CBFA2T2: variants seen among roughly 807,000 people sequenced by gnomAD.
The protein encoded by CBFA2T2 is protein CBFA2T2.
Under a neutral mutation model 62.2 loss-of-function variants are expected in CBFA2T2, and 11 were observed. That is an observed-to-expected ratio of 0.18 (90% confidence interval 0.11 to 0.29). CBFA2T2 has a LOEUF of 0.29. Among genes scored for constraint, CBFA2T2 ranks in the 10% least tolerant of loss-of-function variants. The pLI is 1.00. For missense variants in CBFA2T2, 592 were observed against 774.1 expected, an observed-to-expected ratio of 0.76 and a Z score of 2.79; for synonymous variants, 295 against 287.5, an observed-to-expected ratio of 1.03 and a Z score of -0.27.
At chr20:33,537,352 CA>C (rs1471337608) in intron 1 of CBFA2T2, among the ~76,000 whole-genome samples, 3 of 152,242 alleles carry the variant, frequency 2.0e-5, no homozygotes, top group Non-Finnish European at 2.9e-5. Context: ...TCAGGCGTGG[CA>C]GCGCGCGCCT....
At chr20:33,622,414 A>G (rs1441309027) in intron 4 of CBFA2T2, among the ~76,000 whole-genome samples, 1 of 152,232 alleles carries the variant, frequency 6.6e-6, no homozygotes, top group African/African-American at 2.4e-5. Flanking sequence ...TGAGAAAAAT[A>G]TAATTTCTAC....
intron 1 of CBFA2T2, among the ~76,000 whole-genome samples, chr20:33,570,729 T>C (rs1428276661): frequency 6.6e-6 from 1 of 152,214 alleles, no homozygotes; most frequent in Non-Finnish European, 1.5e-5. Flanking sequence ...TTGTACATAC[T>C]GAGAAACAAA....
intron 1 of CBFA2T2, among the ~76,000 whole-genome samples, chr20:33,587,132 C>T (rs960947179): frequency 2.0e-5 from 3 of 151,630 alleles, no homozygotes; most frequent in Non-Finnish European, 2.9e-5. Flanking sequence ...TTTTTAGAGA[C>T]GAGGTCTCCC....
At chr20:33,644,190 T>C (rs563836475) in intron 10 of CBFA2T2, among the ~76,000 whole-genome samples, 157 bp from the exon 11 acceptor site, 1 of 152,298 alleles carries the variant, frequency 6.6e-6, no homozygotes, top group Admixed American at 6.5e-5. Context: ...GTATTTCTCA[T>C]AGTTAAACAG....
At chr20:33,571,600 A>G (rs1345280965) in intron 1 of CBFA2T2, among the ~76,000 whole-genome samples, 1 of 152,166 alleles carries the variant, frequency 6.6e-6, no homozygotes, top group Admixed American at 6.5e-5. Flanking sequence ...AGTTACCATT[A>G]TTTTTAAAGC....
intron 3 of CBFA2T2, among the ~76,000 whole-genome samples, chr20:33,616,023 C>T (rs1304606725): frequency 1.3e-5 from 2 of 151,800 alleles, no homozygotes; most frequent in African/African-American, 4.8e-5. Flanking sequence ...CTGCCATGAG[C>T]CATGATCACA....
At chr20:33,633,807 C>A (rs999836976) in intron 8 of CBFA2T2, among the ~76,000 whole-genome samples, 7 of 152,118 alleles carry the variant, frequency 4.6e-5, no homozygotes, top group African/African-American at 7.2e-5. Context: ...TATGGCTTGC[C>A]ATGACTTACC....
At chr20:33,580,536 G>A (rs968125925) in intron 1 of CBFA2T2, among the ~76,000 whole-genome samples, 1 of 152,092 alleles carries the variant, frequency 6.6e-6, no homozygotes, top group Non-Finnish European at 1.5e-5. Context: ...TCTTCATTAC[G>A]CAGCAGCTGA....
rs1465784795 is a variant in CBFA2T2, at chr20:33,504,140, T to C, written c.34+13839T>C. On this transcript the variant is annotated intron_variant, in intron 1 of 10. Transcript: ENST00000342704. ...ATGGAATCATACAGTATGTAACCTT[T>C]GTGTCTGATGTGTTTCACTTACCAT... 6.6e-5 allele frequency among the ~76,000 whole-genome samples: 10 copies of C among 152,254 alleles called. No individual in the cohort carries two copies. The East Asian group carries it at 1.9e-3, about 29-fold the overall frequency.
chr20:33,576,467 T>G (rs1471249548), intron 1 of CBFA2T2, among the ~76,000 whole-genome samples: 1 of 152,210 alleles, frequency 6.6e-6, no homozygotes, highest in Admixed American at 6.5e-5. Flanking sequence ...AAGCTTTTTA[T>G]CCAAATAACA....
chr20:33,607,220 G>C, intron 2 of CBFA2T2, 121 bp downstream of exon 2: 1 of 805,784 alleles, frequency 1.2e-6, no homozygotes, highest in Non-Finnish European at 1.8e-6. Flanking sequence ...TGAAAATATA[G>C]ACACAGATAT....
chr20:33,499,020 G>A (rs1286873041), intron 1 of CBFA2T2, among the ~76,000 whole-genome samples: 1 of 150,930 alleles, frequency 6.6e-6, no homozygotes, highest in Non-Finnish European at 1.5e-5. Context: ...TTCCAGCCTG[G>A]GCGAAAGAGT....
chr20:33,512,720 T>C (rs897405163), intron 1 of CBFA2T2, among the ~76,000 whole-genome samples: 7 of 152,174 alleles, frequency 4.6e-5, no homozygotes, highest in African/African-American at 1.7e-4. Context: ...GGGAACATTC[T>C]TCTGTGTATG....
Position 33,628,356 on chromosome 20 carries a change from A to G in CBFA2T2, c.953A>G (p.Asn318Ser), listed in dbSNP as rs2016326818. The G allele has an allele frequency of 3.7e-6, 6 of 1,609,716 alleles. No homozygotes were observed. The highest frequency in any genetic ancestry group is 1.3e-5 in the African/African-American group (1 of 74,838). The change falls in exon 7 of 11, where the codon AAT becomes AGT. Residue 318 changes from asparagine (N) to serine (S), a missense_variant. Physicochemically the swap from Asn to Ser is conservative, Grantham distance 46. This residue lies in a region of CBFA2T2 where 449 missense variants were observed against 551.2 expected (regional missense o/e 0.81). Coordinates refer to ENST00000342704, the MANE Select transcript of CBFA2T2 (RefSeq NM_001032999.3). ...VRDRHHSLGL[N>S]GGYQDELVDH... is the part of the protein sequence containing the mutation. ...AATCTGTAATTTCTAATAGGTCTAA[A>G]TGGAGGCTATCAAGATGAGTTGGTA...
chr20:33,542,316 G>T (rs1160976052), intron 1 of CBFA2T2, among the ~76,000 whole-genome samples: 2 of 152,150 alleles, frequency 1.3e-5, no homozygotes, highest in Admixed American at 1.3e-4. Flanking sequence ...AGAAGAACCA[G>T]TCTTAACACC....
In CBFA2T2 at chr20:33,645,839, T is replaced by G. The variant is rs1008340347; in HGVS notation, c.*1193T>G. Reference sequence around the variant, plus strand: ...TGTGTTATCTGATAGCGTCCCTCCTTGAGCTCATCAGAAAGGTTTTATGAA... The same window carrying G: ...TGTGTTATCTGATAGCGTCCCTCCTGGAGCTCATCAGAAAGGTTTTATGAA... On this transcript the variant is annotated 3_prime_UTR_variant, in exon 11 of 11. Coordinates refer to ENST00000342704, the MANE Select transcript of CBFA2T2 (RefSeq NM_001032999.3). 2.0e-5 allele frequency: 3 copies of G among 152,216 alleles called. No individual in the cohort carries two copies. The highest frequency in any genetic ancestry group is 4.4e-5 in the Non-Finnish European group (3 of 68,042). 9.4% of individuals were successfully genotyped at this position (152,216 alleles called of 1,614,324 possible).
chr20:33,500,957 C>A (rs1333013028), intron 1 of CBFA2T2, among the ~76,000 whole-genome samples: 1 of 152,170 alleles, frequency 6.6e-6, no homozygotes, highest in Non-Finnish European at 1.5e-5. Context: ...GCTAATTTTG[C>A]ATGGCTCTAT....
chr20:33,535,610 T>A (rs1464335576), intron 1 of CBFA2T2, among the ~76,000 whole-genome samples: 1 of 146,394 alleles, frequency 6.8e-6, no homozygotes, highest in Admixed American at 7.0e-5. Context: ...TTATTTTTAT[T>A]TTTTTATTTT....
intron 1 of CBFA2T2, among the ~76,000 whole-genome samples, chr20:33,519,155 G>T (rs1193884741): frequency 6.6e-6 from 1 of 151,994 alleles, no homozygotes; most frequent in African/African-American, 2.4e-5. Context: ...ACCATGGATC[G>T]CAACTATTCA....
Sources: gnomAD v4.1 joint callset for allele counts (sites outside exome capture counted in the v4.1 genomes callset) on GRCh38, gnomAD v4.1.1 for gene constraint, gnomAD v4.1.1 regional missense constraint, MANE v1.5 for transcripts, NCBI Gene and HGNC (gene_info 2026-07-23, HGNC 2026-07-21) for gene names.